The following KLRG1 variants were observed in gnomAD, a reference collection of about 807,000 sequenced individuals.
The protein encoded by KLRG1 is killer cell lectin-like receptor subfamily G member 1.
Under a neutral mutation model 21.8 loss-of-function variants are expected in KLRG1, and 16 were observed. The ratio of observed to expected loss-of-function variants is 0.73; its 90% CI spans 0.50 to 1.11. The LOEUF (loss-of-function observed/expected upper bound fraction) is 1.11. KLRG1 is among the 50% of genes most tolerant of loss of function. The pLI, the probability that KLRG1 is intolerant of heterozygous loss-of-function variation, is 0.00. For missense variants in KLRG1, 173 were observed against 218.3 expected, an observed-to-expected ratio of 0.79 and a Z score of 1.31; for synonymous variants, 69 against 75.9, an observed-to-expected ratio of 0.91 and a Z score of 0.47.
intron 3 of KLRG1, among the ~76,000 whole-genome samples, chr12:9,006,603 T>G (rs1216288818): frequency 6.6e-6 from 1 of 151,948 alleles, no homozygotes; most frequent in Non-Finnish European, 1.5e-5. Flanking sequence ...GGGCACAGAG[T>G]GATTAAAAGT....
intron 1 of KLRG1, among the ~76,000 whole-genome samples, chr12:8,959,272 G>C (rs1187252613): frequency 6.6e-6 from 1 of 152,192 alleles, no homozygotes; most frequent in Non-Finnish European, 1.5e-5. Flanking sequence ...AAGATTTAGA[G>C]CTTCTCCAAC....
intron 1 of KLRG1, among the ~76,000 whole-genome samples, chr12:8,954,109 G>A (rs999019375): frequency 1.3e-5 from 2 of 152,120 alleles, no homozygotes; most frequent in African/African-American, 4.8e-5. Flanking sequence ...CACATAAGAT[G>A]TTCCGATTTT....
chr12:9,099,336 C>T, the KLRG1 span: 36 of 1,517,232 alleles, frequency 2.4e-5, no homozygotes, highest in Non-Finnish European at 3.1e-5. Context: ...ACAATAGTAA[C>T]TTCTAGTTTT....
chr12:9,093,446 T>C, the KLRG1 span: 2 of 1,554,678 alleles, frequency 1.3e-6, no homozygotes, highest in South Asian at 2.2e-5. Context: ...GCATATTGCA[T>C]ATGCAGGAAG....
the KLRG1 span, chr12:9,181,101 G>A: frequency 1.9e-6 from 3 of 1,613,994 alleles, no homozygotes; most frequent in African/African-American, 1.3e-5. Context: ...TGAGGCTGGG[G>A]GACTTTGTGC....
At chr12:9,098,508 A>G in the KLRG1 span, 3 of 1,338,514 alleles carry the variant, frequency 2.2e-6, no homozygotes, top group Non-Finnish European at 3.0e-6. Flanking sequence ...CTAGATAAAT[A>G]TAATTTTAAT....
the KLRG1 span, among the ~76,000 whole-genome samples, chr12:9,197,901 A>G: frequency 7.9e-6 from 1 of 126,342 alleles, no homozygotes; most frequent in East Asian, 2.1e-4. Flanking sequence ...TATAAATTAT[A>G]TATATTTATA....
chr12:8,953,589 A>C (rs1946240437), intron 1 of KLRG1, among the ~76,000 whole-genome samples: 1 of 152,172 alleles, frequency 6.6e-6, no homozygotes, highest in Admixed American at 6.5e-5. Context: ...GGATCTGCCT[A>C]GGCATTTGTC....
the KLRG1 span, chr12:9,128,788 T>TTTTCTTCCAAAAAGAAAAGAA: frequency 2.0e-5 from 3 of 152,216 alleles, no homozygotes; most frequent in Admixed American, 2.0e-4. Flanking sequence ...AGAATGCAAT[T>TTTTCTTCCAAAAAGAAAAGAA]AACTTCCAAA....
the KLRG1 span, chr12:9,099,384 G>C: frequency 6.4e-7 from 1 of 1,555,242 alleles, no homozygotes; most frequent in Middle Eastern, 1.7e-4. Flanking sequence ...CACACACCTT[G>C]TTGGCCAGAC....
At chr12:8,973,405 TAA>T (rs1295228507) in intron 1 of KLRG1, among the ~76,000 whole-genome samples, 2 of 152,120 alleles carry the variant, frequency 1.3e-5, no homozygotes, top group Non-Finnish European at 2.9e-5. Flanking sequence ...CATGACCTTA[TAA>T]AAAGGCTGGA....
the KLRG1 span, chr12:9,029,191 T>G: frequency 1.0e-5 from 2 of 200,716 alleles, no homozygotes; most frequent in Non-Finnish European, 2.0e-5. Context: ...ATACAATACA[T>G]TGTGTGTGTT....
chr12:9,074,490 G>A, the KLRG1 span: 4 of 1,433,846 alleles, frequency 2.8e-6, no homozygotes, highest in South Asian at 5.1e-5. Context: ...TCTTGGATGT[G>A]TTTGTTTCTT....
chr12:9,076,776 T>A, the KLRG1 span: 2 of 1,613,942 alleles, frequency 1.2e-6, no homozygotes, highest in Non-Finnish European at 1.7e-6. Context: ...AGCTTCCTCA[T>A]TAAGTGACTT....
the KLRG1 span, among the ~76,000 whole-genome samples, chr12:9,117,554 T>C: frequency 1.3e-5 from 2 of 152,208 alleles, no homozygotes; most frequent in Non-Finnish European, 2.9e-5. Flanking sequence ...GTGTTGCCTT[T>C]AGCTGGGTGA....
At chr12:9,076,687 A>C in the KLRG1 span, 1 of 1,489,228 alleles carries the variant, frequency 6.7e-7, no homozygotes, top group Non-Finnish European at 9.3e-7. Context: ...GGTAGGAGTG[A>C]GGGATTTTTG....
chr12:9,181,734 C>T, the KLRG1 span, among the ~76,000 whole-genome samples: 9 of 152,110 alleles, frequency 5.9e-5, no homozygotes, highest in Non-Finnish European at 4.4e-5. Flanking sequence ...ACTCACACAA[C>T]TGAATCAGCA....
chr12:9,201,285 A>C, the KLRG1 span: 1 of 1,491,460 alleles, frequency 6.7e-7, no homozygotes, highest in Non-Finnish European at 9.3e-7. Context: ...CTACTCTCTA[A>C]AAGCACTAAT....
chr12:9,020,048 C>CATAT, the KLRG1 span, among the ~76,000 whole-genome samples: 7 of 135,640 alleles, frequency 5.2e-5, no homozygotes, highest in Admixed American at 7.7e-5. Context: ...TCTTTGTATA[C>CATAT]ATATATATAT....
Sources: allele counts gnomAD v4.1 joint callset (sites outside exome capture counted in the v4.1 genomes callset), GRCh38; gene constraint gnomAD v4.1.1; transcripts MANE v1.5; gene names NCBI Gene and HGNC (gene_info 2026-07-23, HGNC 2026-07-21).